Variants in CNOT4 observed in about 807,000 individuals in gnomAD.
The protein encoded by CNOT4 is CCR4-NOT transcription complex subunit 4, also known as CCR4-associated factor 4.
Under a neutral mutation model 73.8 loss-of-function variants are expected in CNOT4, and 8 were observed. That is an observed-to-expected ratio of 0.11 (90% CI 0.06 to 0.20). CNOT4 has a LOEUF of 0.20. CNOT4 is among the 10% of genes least tolerant of loss of function. The pLI is 1.00. For synonymous variants in CNOT4, 293 were observed against 321.1 expected, an observed-to-expected ratio of 0.91 and a Z score of 0.94; for missense variants, 564 against 883.4, an observed-to-expected ratio of 0.64 and a Z score of 4.58.
intron 6 of CNOT4, 110 bp downstream of exon 6, chr7:135,413,378 T>A: frequency 8.1e-7 from 1 of 1,234,466 alleles, no homozygotes; most frequent in South Asian, 1.3e-5. Context: ...TTTAAAGTAA[T>A]ATCAGTTTTT....
At chr7:135,444,456 GC>G in intron 1 of CNOT4, 2 of 775,860 alleles carry the variant, frequency 2.6e-6, no homozygotes, top group Non-Finnish European at 2.4e-6. Context: ...GAACGAGATG[GC>G]GGTTCTCTGG....
At chr7:135,472,420 C>G (rs11979015) in intron 1 of CNOT4, among the ~76,000 whole-genome samples, 1 of 132,834 alleles carries the variant, frequency 7.5e-6, no homozygotes, top group Non-Finnish European at 1.6e-5. Flanking sequence ...GAGCTTGCAG[C>G]GAGCAGAGAT....
In CNOT4 at chr7:135,362,626, T is replaced by C. The variant is rs992619908; in HGVS notation, c.*259A>G. 2.1e-5 allele frequency: 12 copies of C among 583,992 alleles called. No homozygotes were observed. Among genetic ancestry groups the C allele is most frequent in the Admixed American group, 5.8e-5 (2 of 34,268 alleles). 36.2% of individuals were successfully genotyped at this position (583,992 alleles called of 1,614,324 possible). A position where few individuals can be genotyped will look rare whatever the true frequency, so the allele number is the denominator to read the frequency against. On this transcript the variant is annotated 3_prime_UTR_variant, in exon 12 of 12. Transcript: ENST00000541284. ...ATTGAGACTGCCCTTTGATTTTTTT[T>C]TCTCTCCTTAAAAAGGCATTTTTAG...
intron 1 of CNOT4, among the ~76,000 whole-genome samples, chr7:135,500,908 A>C (rs1803917194): frequency 6.6e-6 from 1 of 150,774 alleles, no homozygotes; most frequent in Non-Finnish European, 1.5e-5. Context: ...ATATTTCTTT[A>C]TTTTCCAAGC....
intron 1 of CNOT4, among the ~76,000 whole-genome samples, chr7:135,466,445 T>A (rs1801226358): frequency 7.0e-6 from 1 of 142,410 alleles, no homozygotes; most frequent in South Asian, 2.2e-4. Context: ...CTGCACTCCA[T>A]CCAGCCTGGG....
chr7:135,362,928 G>T lies in CNOT4; in HGVS notation c.2099C>A (p.Thr700Asn), dbSNP rs780736716. Residue 700 changes from threonine (T) to asparagine (N), a missense_variant, in exon 12 of 12, where the codon ACC becomes AAC. This residue lies in a region of CNOT4 where 88 missense variants were observed against 94.7 expected (regional missense o/e 0.93). Coordinates refer to ENST00000541284, the MANE Select transcript of CNOT4 (RefSeq NM_001190850.2). ...TGAACTCTGTAGTAAATCTGTGGGG[G>T]TTTTGCTGGGGGGTCTGAAGGCTGT... ...FQTAFRPPSK[T>N]PTDLLQSSTL... is the part of the protein sequence containing the mutation. 8.1e-6 allele frequency: 13 copies of T among 1,613,186 alleles called. No homozygotes were observed. The highest frequency in any genetic ancestry group is 1.1e-5 in the Non-Finnish European group (13 of 1,179,638).
At chr7:135,436,631 T>C (rs1297562426) in intron 2 of CNOT4, among the ~76,000 whole-genome samples, 3 of 150,914 alleles carry the variant, frequency 2.0e-5, no homozygotes, top group African/African-American at 7.3e-5. Flanking sequence ...AAATATTATA[T>C]ATATACAAAT....
Position 135,363,062 on chromosome 7 carries a change from G to T in CNOT4, c.1965C>A (p.His655Gln), listed in dbSNP as rs748664277. ...TCTGTGTGCTGAAGGGGGCGCTGTGGTGGGTCTGTGATGGAGCAGCGCTGG... is the reference window on the plus strand; with the variant it reads ...TCTGTGTGCTGAAGGGGGCGCTGTGTTGGGTCTGTGATGGAGCAGCGCTGG... ...DGPSAAPSQT[H>Q]HSAPFSTQIP... Residue 655 changes from histidine to glutamine, a missense_variant, in exon 12 of 12, where the codon CAC becomes CAA. His to Gln is a conservative substitution (Grantham distance 24). Transcript: ENST00000541284. This position sits in a 1 kb window ranked among gnomAD's most constrained non-coding sequence, Gnocchi z 4.3. 2 of 1,613,956 alleles carry T rather than the reference G, an allele frequency of 1.2e-6. No individual in the cohort carries two copies. Among genetic ancestry groups the T allele is most frequent in the African/African-American group, 1.3e-5 (1 of 74,868 alleles).
intron 1 of CNOT4, among the ~76,000 whole-genome samples, chr7:135,506,869 AAAAG>A (rs1423697365): frequency 4.6e-5 from 7 of 152,168 alleles, no homozygotes; most frequent in Non-Finnish European, 8.8e-5. Context: ...AAAGAAAAGA[AAAAG>A]AAAGAAAAGA....
intron 1 of CNOT4, among the ~76,000 whole-genome samples, chr7:135,447,210 T>C (rs1799886732): frequency 6.6e-6 from 1 of 152,046 alleles, no homozygotes; most frequent in Admixed American, 6.6e-5. Flanking sequence ...TCACAAAGCA[T>C]GTTATTTACA....
At chr7:135,495,738 GAAAGAAAGAAAGAAAGAAAGAA>G (rs1803513608) in intron 1 of CNOT4, among the ~76,000 whole-genome samples, 1 of 98,630 alleles carries the variant, frequency 1.0e-5, no homozygotes, top group Non-Finnish European at 2.4e-5. Context: ...AAGAAAGAAA[GAAAGAAAGAAAGAAAGAAAGAA>G]AGAAATTTAA....
At chr7:135,368,241 G>A (rs1056429234) in intron 10 of CNOT4, among the ~76,000 whole-genome samples, 4 of 152,094 alleles carry the variant, frequency 2.6e-5, no homozygotes, top group Non-Finnish European at 5.9e-5. Flanking sequence ...CTACCTTGCT[G>A]GTCAAGGTAG....
intron 4 of CNOT4, 120 bp downstream of exon 4, chr7:135,415,056 C>G (rs1797783832): frequency 1.5e-6 from 1 of 684,274 alleles, no homozygotes; most frequent in South Asian, 1.9e-5. Flanking sequence ...GAGGTCACTA[C>G]ATTGCTTAAG....
chr7:135,504,462 A>ATTTTT (rs34100799), intron 1 of CNOT4, among the ~76,000 whole-genome samples: 12 of 55,934 alleles, frequency 2.1e-4, no homozygotes, highest in East Asian at 5.1e-4. Context: ...CATCCGGCTA[A>ATTTTT]TTTTTTTTTT....
In CNOT4 at chr7:135,387,825, T is replaced by C. The variant is rs1796197108; in HGVS notation, c.1627+6093A>G. On this transcript the variant is annotated intron_variant, in intron 10 of 11. Transcript: ENST00000541284. ...CACTATTCTCTTGATTAAAATTATC[T>C]GTTACAATTTAGGTGGCCTAATTTT... is the stretch of plus-strand genomic sequence containing the variant. 2.3e-5 allele frequency: 23 copies of C among 979,958 alleles called. No individual in the cohort carries two copies. In the South Asian group the frequency reaches 5.7e-4, roughly 24 times the overall value. 60.7% of individuals were successfully genotyped at this position (979,958 alleles called of 1,614,324 possible).
intron 1 of CNOT4, among the ~76,000 whole-genome samples, chr7:135,443,620 T>A (rs1224388257): frequency 1.3e-5 from 2 of 152,198 alleles, no homozygotes; most frequent in Non-Finnish European, 2.9e-5. Context: ...AGTTAAACTC[T>A]ATGGCAAATT....
chr7:135,475,075 A>G (rs944026429), intron 1 of CNOT4, among the ~76,000 whole-genome samples: 1 of 152,212 alleles, frequency 6.6e-6, no homozygotes, highest in Non-Finnish European at 1.5e-5. Flanking sequence ...AGACATCCAA[A>G]TTGCCATCCT....
At chr7:135,373,553 A>G (rs1795337912) in intron 10 of CNOT4, among the ~76,000 whole-genome samples, 1 of 152,180 alleles carries the variant, frequency 6.6e-6, no homozygotes, top group African/African-American at 2.4e-5. Context: ...CAGACTCTGG[A>G]AGCAACATGC....
chr7:135,404,910 A>T (rs10278289), intron 7 of CNOT4, among the ~76,000 whole-genome samples: 2 of 152,160 alleles, frequency 1.3e-5, no homozygotes, highest in African/African-American at 4.8e-5. Context: ...CTGTCTTCAG[A>T]TAACAAGCCT....
Sources: gnomAD v4.1 joint callset for allele counts (sites outside exome capture counted in the v4.1 genomes callset) on GRCh38, gnomAD v4.1.1 for gene constraint, gnomAD v4.1.1 regional missense constraint, Gnocchi (gnomAD v3.1) non-coding constraint, MANE v1.5 for transcripts, NCBI Gene and HGNC (gene_info 2026-07-23, HGNC 2026-07-21) for gene names.